SLC25A24: variants seen among roughly 807,000 people sequenced by gnomAD.
The protein encoded by SLC25A24 is mitochondrial adenyl nucleotide antiporter SLC25A24.
SLC25A24 carries 49 observed loss-of-function variants against 60.7 expected under a neutral mutation model. The ratio of observed to expected loss-of-function variants is 0.81; its 90% CI spans 0.64 to 1.02. The LOEUF (loss-of-function observed/expected upper bound fraction) is 1.02, where lower values mean the gene tolerates loss of function less well. SLC25A24 is among the 50% of genes least tolerant of loss of function. The pLI is 0.00. For synonymous variants in SLC25A24, 202 were observed against 200.6 expected, an observed-to-expected ratio of 1.01 and a Z score of -0.06; for missense variants, 564 against 586.3, an observed-to-expected ratio of 0.96 and a Z score of 0.39.
chr1:108,149,039 GT>G (rs2101605382), intron 6 of SLC25A24, among the ~76,000 whole-genome samples: 1 of 152,224 alleles, frequency 6.6e-6, no homozygotes, highest in African/African-American at 2.4e-5. Context: ...CTCCCCAGGT[GT>G]ACAGAAAATA....
chr1:108,180,617 TCTCTCTCTCTCTCTC>T (rs1647884974), intron 3 of SLC25A24, among the ~76,000 whole-genome samples: 1 of 7,492 alleles, frequency 1.3e-4, no homozygotes, highest in African/African-American at 2.8e-4. Flanking sequence ...AAGAGAAAGA[TCTCTCTCTCTCTCTC>T]TCTCTCTCTC....
intron 3 of SLC25A24, among the ~76,000 whole-genome samples, chr1:108,168,263 G>A (rs1233590401): frequency 6.6e-6 from 1 of 152,152 alleles, no homozygotes; most frequent in Non-Finnish European, 1.5e-5. Context: ...CTGCATGAGA[G>A]TCCTAGTCAC....
chr1:108,156,575 T>C (rs1381292998), intron 5 of SLC25A24, among the ~76,000 whole-genome samples: 2 of 152,220 alleles, frequency 1.3e-5, no homozygotes, highest in Non-Finnish European at 2.9e-5. Flanking sequence ...AGAATCTTTT[T>C]GTACAGAAAT....
chr1:108,187,090 A>AT (rs1648152593), intron 1 of SLC25A24, among the ~76,000 whole-genome samples: 1 of 151,612 alleles, frequency 6.6e-6, no homozygotes, highest in Non-Finnish European at 1.5e-5. Flanking sequence ...AAAAAAAAAA[A>AT]AATTAAAAAA....
chr1:108,161,717 A>G (rs1389498402), intron 3 of SLC25A24, among the ~76,000 whole-genome samples: 1 of 152,248 alleles, frequency 6.6e-6, no homozygotes, highest in East Asian at 1.9e-4. Flanking sequence ...TACTCAAAAC[A>G]TGCTATCAAC....
chr1:108,165,641 G>T (rs1372866967), intron 3 of SLC25A24, among the ~76,000 whole-genome samples: 1 of 151,956 alleles, frequency 6.6e-6, no homozygotes, highest in Non-Finnish European at 1.5e-5. Context: ...TTTTCCATTT[G>T]CTTGGTAGAT....
intron 8 of SLC25A24, among the ~76,000 whole-genome samples, chr1:108,141,452 A>C (rs1010808725): frequency 6.6e-6 from 1 of 152,192 alleles, no homozygotes; most frequent in South Asian, 2.1e-4. Flanking sequence ...GGAAAATGAC[A>C]TGGAGGTTCC....
intron 3 of SLC25A24, among the ~76,000 whole-genome samples, chr1:108,162,508 T>C (rs993966923): frequency 6.7e-6 from 1 of 149,828 alleles, no homozygotes; most frequent in Non-Finnish European, 1.5e-5. Context: ...AGATGGTATC[T>C]CATTGTGGTT....
intron 3 of SLC25A24, among the ~76,000 whole-genome samples, chr1:108,170,662 C>T (rs1647431152): frequency 6.6e-6 from 1 of 151,838 alleles, no homozygotes; most frequent in African/African-American, 2.4e-5. Context: ...TAGTGACACT[C>T]TATTTTTATT....
intron 4 of SLC25A24, among the ~76,000 whole-genome samples, chr1:108,160,645 C>T: frequency 6.6e-6 from 1 of 152,162 alleles, no homozygotes. Flanking sequence ...GCCACTGCAC[C>T]CCAGCCTGGG....
intron 4 of SLC25A24, 68 bp downstream of exon 4, chr1:108,161,114 T>C (rs1680066863): frequency 3.5e-6 from 3 of 845,894 alleles, no homozygotes; most frequent in Non-Finnish European, 6.0e-6. Context: ...TTACAGAGTG[T>C]TCTTGGGTGA....
At chr1:108,168,039 A>T (rs1026200174) in intron 3 of SLC25A24, among the ~76,000 whole-genome samples, 3 of 152,100 alleles carry the variant, frequency 2.0e-5, no homozygotes, top group Non-Finnish European at 4.4e-5. Context: ...GTGCTCATTT[A>T]TTTATTGAAT....
rs1330024269 is a variant in SLC25A24, at chr1:108,174,485, C to G, written c.398+7456G>C. On this transcript the variant is annotated intron_variant, in intron 3 of 9. Transcript: ENST00000565488. ...CAGAAGTTTGCTGCAGGGGTGGAGC[C>G]CTTGAGGAGAACCTCCGCTAGGGCA... Among the ~76,000 whole-genome samples, 4 of 152,134 alleles carry G rather than the reference C, an allele frequency of 2.6e-5. No homozygotes were observed. In the East Asian group the frequency reaches 5.8e-4, roughly 22 times the overall value.
intron 1 of SLC25A24, 85 bp from the exon 2 acceptor site, chr1:108,186,039 T>C: frequency 9.1e-7 from 1 of 1,103,746 alleles, no homozygotes; most frequent in Non-Finnish European, 1.3e-6. Context: ...GCAGATTAGC[T>C]GTTTTCCTAA....
At chr1:108,153,494 G>A (rs1679807818) in intron 6 of SLC25A24, among the ~76,000 whole-genome samples, 1 of 152,156 alleles carries the variant, frequency 6.6e-6, no homozygotes, top group African/African-American at 2.4e-5. Flanking sequence ...AGCACTCGAG[G>A]GAGGCTGGAC....
intron 3 of SLC25A24, among the ~76,000 whole-genome samples, chr1:108,164,797 T>G (rs1680197019): frequency 2.0e-5 from 2 of 100,918 alleles, no homozygotes; most frequent in African/African-American, 9.0e-5. Flanking sequence ...TTTCCTTCAG[T>G]TCTGCTCTGA....
intron 3 of SLC25A24, among the ~76,000 whole-genome samples, chr1:108,162,983 G>A (rs1219903067): frequency 7.8e-5 from 11 of 140,408 alleles, no homozygotes; most frequent in Non-Finnish European, 1.2e-4. Flanking sequence ...AAGGTGTAAG[G>A]AAGGGATCCA....
At chr1:108,147,544 C>T (rs1368804418) in intron 7 of SLC25A24, among the ~76,000 whole-genome samples, 7 of 151,980 alleles carry the variant, frequency 4.6e-5, no homozygotes, top group Admixed American at 4.6e-4. Context: ...TCCTGTGTTG[C>T]CCACTTTTTA....
chr1:108,173,951 T>C (rs1462774852), intron 3 of SLC25A24, among the ~76,000 whole-genome samples: 3 of 152,120 alleles, frequency 2.0e-5, no homozygotes, highest in African/African-American at 7.2e-5. Flanking sequence ...ATTTGGGGTA[T>C]CAGGCAGAAG....
Sources: gnomAD v4.1 joint callset for allele counts (sites outside exome capture counted in the v4.1 genomes callset) on GRCh38, gnomAD v4.1.1 for gene constraint, MANE v1.5 for transcripts, NCBI Gene and HGNC (gene_info 2026-07-23, HGNC 2026-07-21) for gene names.